Variants in LGSN observed in about 807,000 individuals in gnomAD.
LGSN encodes lengsin.
A neutral mutation model predicts 19.5 loss-of-function variants in LGSN; 21 were observed. The ratio of observed to expected loss-of-function variants is 1.07; its 90% CI spans 0.76 to 1.55. The LOEUF (loss-of-function observed/expected upper bound fraction) is 1.55, where lower values mean the gene tolerates loss of function less well. LGSN is among the 40% of genes most tolerant of loss of function. LGSN has a pLI of 0.00. For missense variants in LGSN, 673 were observed against 608.5 expected, an observed-to-expected ratio of 1.11 and a Z score of -1.12; for synonymous variants, 257 against 215.6, an observed-to-expected ratio of 1.19 and a Z score of -1.68.
intron 1 of LGSN, among the ~76,000 whole-genome samples, chr6:63,299,166 C>A (rs542443004): frequency 1.3e-5 from 2 of 152,086 alleles, no homozygotes; most frequent in Non-Finnish European, 2.9e-5. Context: ...AAAAAGACTG[C>A]CTATTGAACT....
the LGSN span, among the ~76,000 whole-genome samples, chr6:63,495,086 C>T: frequency 1.3e-5 from 2 of 151,996 alleles, no homozygotes; most frequent in Non-Finnish European, 2.9e-5. Context: ...ATTGACACAG[C>T]ACTGTACTAG....
At chr6:63,353,588 CAAAA>C in the LGSN span, among the ~76,000 whole-genome samples, 156 of 74,164 alleles carry the variant, frequency 2.1e-3, no homozygotes, top group African/African-American at 6.6e-3. Flanking sequence ...CAGTTTGTAG[CAAAA>C]AAAAAAAAAA....
At chr6:63,504,815 GA>G in the LGSN span, among the ~76,000 whole-genome samples, 6 of 152,204 alleles carry the variant, frequency 3.9e-5, no homozygotes, top group Non-Finnish European at 7.3e-5. Context: ...TGCAGTCACT[GA>G]AATACAGAAA....
At chr6:63,472,802 G>A in the LGSN span, among the ~76,000 whole-genome samples, 5 of 151,960 alleles carry the variant, frequency 3.3e-5, no homozygotes, top group Admixed American at 6.6e-5. Context: ...TTAGCCGGGC[G>A]TGGTGGCAGA....
the LGSN span, among the ~76,000 whole-genome samples, chr6:63,533,362 A>G: frequency 6.6e-6 from 1 of 152,224 alleles, no homozygotes; most frequent in Admixed American, 6.5e-5. Context: ...AGCCTGGGCC[A>G]CAGAGCAAGA....
At chr6:63,404,803 T>A in the LGSN span, among the ~76,000 whole-genome samples, 1 of 152,084 alleles carries the variant, frequency 6.6e-6, no homozygotes, top group Non-Finnish European at 1.5e-5. Flanking sequence ...TATTTCTTTT[T>A]TTTATTTTAT....
the LGSN span, among the ~76,000 whole-genome samples, chr6:63,545,546 G>A: frequency 6.6e-6 from 1 of 152,108 alleles, no homozygotes; most frequent in Non-Finnish European, 1.5e-5. Flanking sequence ...GGGAGGCAGA[G>A]GTTGCAGTGA....
the LGSN span, among the ~76,000 whole-genome samples, chr6:63,331,685 G>A: frequency 5.3e-5 from 8 of 152,206 alleles, no homozygotes; most frequent in Non-Finnish European, 7.4e-5. Flanking sequence ...CCTGCTGATC[G>A]GAATAGCTGC....
At chr6:63,483,826 CT>C in the LGSN span, among the ~76,000 whole-genome samples, 18 of 145,176 alleles carry the variant, frequency 1.2e-4, no homozygotes, top group Admixed American at 1.4e-4. Flanking sequence ...TTTTTCTTTT[CT>C]TTTTTTTTTA....
the LGSN span, among the ~76,000 whole-genome samples, chr6:63,421,705 C>T: frequency 1.8e-3 from 268 of 150,894 alleles, no homozygotes; most frequent in Admixed American, 2.8e-3. Flanking sequence ...CCCAGCCTGG[C>T]GACAGAGTGA....
chr6:63,516,277 A>G, the LGSN span, among the ~76,000 whole-genome samples: 1 of 152,242 alleles, frequency 6.6e-6, no homozygotes, highest in African/African-American at 2.4e-5. Context: ...TAAAGGCTTC[A>G]TTGCACAAGT....
chr6:63,316,764 TATATATA>T (rs758913044), intron 1 of LGSN, among the ~76,000 whole-genome samples: 1 of 151,888 alleles, frequency 6.6e-6, no homozygotes, highest in Non-Finnish European at 1.5e-5. Flanking sequence ...AATATTCATG[TATATATA>T]ATATATATTT....
the LGSN span, among the ~76,000 whole-genome samples, chr6:63,465,079 AC>A: frequency 2.0e-5 from 3 of 150,330 alleles, no homozygotes; most frequent in Admixed American, 2.0e-4. Flanking sequence ...ACTATTACCC[AC>A]CCCATGCTCT....
chr6:63,479,326 C>T, the LGSN span, among the ~76,000 whole-genome samples: 1 of 151,854 alleles, frequency 6.6e-6, no homozygotes, highest in Non-Finnish European at 1.5e-5. Flanking sequence ...TATAATTTTT[C>T]TGGCCTATCG....
At chr6:63,342,297 A>G in the LGSN span, among the ~76,000 whole-genome samples, 1 of 152,352 alleles carries the variant, frequency 6.6e-6, no homozygotes. Flanking sequence ...CCCAATTTAT[A>G]CATATTATTT....
At chr6:63,427,536 A>G in the LGSN span, among the ~76,000 whole-genome samples, 6 of 152,156 alleles carry the variant, frequency 3.9e-5, no homozygotes, top group East Asian at 3.8e-4. Context: ...CAGATTCTCA[A>G]TTTTTTAATG....
At chr6:63,556,138 A>G in the LGSN span, among the ~76,000 whole-genome samples, 1 of 152,142 alleles carries the variant, frequency 6.6e-6, no homozygotes, top group South Asian at 2.1e-4. Flanking sequence ...TAATACAAGA[A>G]AACAGTTTAT....
chr6:63,501,005 A>G, the LGSN span, among the ~76,000 whole-genome samples: 1 of 152,130 alleles, frequency 6.6e-6, no homozygotes. Flanking sequence ...TTGGGATTAC[A>G]GGCGTGAGCC....
chr6:63,363,084 G>GCCGCATA, the LGSN span, among the ~76,000 whole-genome samples: 1 of 152,110 alleles, frequency 6.6e-6, no homozygotes, highest in African/African-American at 2.4e-5. Context: ...AGGCAAACAG[G>GCCGCATA]GTCTGGAGTG....
Sources: gnomAD v4.1 joint callset for allele counts (sites outside exome capture counted in the v4.1 genomes callset) on GRCh38, gnomAD v4.1.1 for gene constraint, MANE v1.5 for transcripts, NCBI Gene and HGNC (gene_info 2026-07-23, HGNC 2026-07-21) for gene names.